The following LRRTM3 variants were observed in gnomAD, a reference collection of about 807,000 sequenced individuals.
LRRTM3 encodes leucine-rich repeat transmembrane neuronal protein 3.
In LRRTM3, 24 loss-of-function variants were observed where a neutral mutation model predicts 44.7. That is an observed-to-expected ratio of 0.54 (90% confidence interval 0.39 to 0.76). The LOEUF is 0.76. Among genes scored for constraint, LRRTM3 ranks in the 30% least tolerant of loss-of-function variants. The pLI is 0.00. For synonymous variants in LRRTM3, 277 were observed against 278.7 expected, an observed-to-expected ratio of 0.99 and a Z score of 0.06; for missense variants, 587 against 702.2, an observed-to-expected ratio of 0.84 and a Z score of 1.85.
intron 2 of LRRTM3, among the ~76,000 whole-genome samples, chr10:66,946,722 C>G (rs922252910): frequency 6.6e-6 from 1 of 152,082 alleles, no homozygotes; most frequent in Non-Finnish European, 1.5e-5. Context: ...AGTTGTAGAA[C>G]TACATATTTC....
intron 2 of LRRTM3, among the ~76,000 whole-genome samples, chr10:67,072,692 A>T (rs559094775): frequency 1.3e-5 from 2 of 152,222 alleles, no homozygotes; most frequent in Admixed American, 1.3e-4. Context: ...GTATATCTTT[A>T]TCTTCTGGGC....
chr10:67,027,875 AATG>A (rs1262854931), intron 2 of LRRTM3, among the ~76,000 whole-genome samples: 3 of 152,170 alleles, frequency 2.0e-5, no homozygotes, highest in Non-Finnish European at 4.4e-5. Flanking sequence ...TTTGCTTCTG[AATG>A]ATAAGCTCTT....
rs1858213169 is a variant in LRRTM3, at chr10:67,099,550, T to C, written c.*1754T>C. Reference sequence around the variant, plus strand: ...TCTATAAAATCTAGTTTTATGCAGGTTTGTCACAGCAAATGTAAAAGCGGA... The same window carrying C: ...TCTATAAAATCTAGTTTTATGCAGGCTTGTCACAGCAAATGTAAAAGCGGA... On this transcript the variant is annotated 3_prime_UTR_variant, in exon 3 of 3. Coordinates refer to ENST00000361320, the MANE Select transcript of LRRTM3 (RefSeq NM_178011.5). 6.6e-6 allele frequency: 1 copy of C among 152,194 alleles called. No homozygotes were observed. Among genetic ancestry groups the C allele is most frequent in the African/African-American group, 2.4e-5 (1 of 41,392 alleles). 9.4% of individuals were successfully genotyped at this position (152,194 alleles called of 1,614,324 possible). A position where few individuals can be genotyped will look rare whatever the true frequency, so the allele number is the denominator to read the frequency against.
intron 2 of LRRTM3, among the ~76,000 whole-genome samples, chr10:67,077,352 T>C (rs1856794542): frequency 6.6e-6 from 1 of 152,084 alleles, no homozygotes; most frequent in Non-Finnish European, 1.5e-5. Context: ...TCCTTCAAAA[T>C]CCCTAAAAAT....
At chr10:67,086,287 T>A (rs1265908691) in intron 2 of LRRTM3, among the ~76,000 whole-genome samples, 1 of 152,016 alleles carries the variant, frequency 6.6e-6, no homozygotes, top group Non-Finnish European at 1.5e-5. Context: ...CTAAAACAGG[T>A]GCAAGATTTT....
chr10:67,015,673 A>G (rs1322881395), intron 2 of LRRTM3, among the ~76,000 whole-genome samples: 1 of 152,088 alleles, frequency 6.6e-6, no homozygotes. Context: ...CAGAGTATGA[A>G]CTTCAATTTG....
intron 2 of LRRTM3, among the ~76,000 whole-genome samples, chr10:67,005,453 G>A (rs969741065): frequency 3.3e-5 from 5 of 151,844 alleles, no homozygotes; most frequent in African/African-American, 1.2e-4. Context: ...TTCTTCACCT[G>A]TTCATTGTGC....
intron 2 of LRRTM3, among the ~76,000 whole-genome samples, chr10:67,071,742 C>A (rs1856476859): frequency 6.6e-6 from 1 of 152,066 alleles, no homozygotes; most frequent in South Asian, 2.1e-4. Context: ...TTCATTTTTA[C>A]TTATGTTTAA....
Position 67,099,780 on chromosome 10 carries a change from A to C in LRRTM3, c.*1984A>C, listed in dbSNP as rs1330482488. 1.3e-5 allele frequency: 2 copies of C among 152,012 alleles called. No homozygotes were observed. Among genetic ancestry groups the C allele is most frequent in the African/African-American group, 2.4e-5 (1 of 41,380 alleles). 9.4% of individuals were successfully genotyped at this position (152,012 alleles called of 1,614,324 possible). A position where few individuals can be genotyped will look rare whatever the true frequency, so the allele number is the denominator to read the frequency against. On this transcript the variant is annotated 3_prime_UTR_variant, in exon 3 of 3. Coordinates refer to ENST00000361320, the MANE Select transcript of LRRTM3 (RefSeq NM_178011.5). ...TGCATAAATTATTTGCTCTTCAAAA[A>C]TTTTTGTCATTTTAAATCTAATTTT...
At chr10:66,952,206 T>G (rs1848571302) in intron 2 of LRRTM3, among the ~76,000 whole-genome samples, 1 of 152,176 alleles carries the variant, frequency 6.6e-6, no homozygotes, top group African/African-American at 2.4e-5. Context: ...CAAAAGTCTT[T>G]GCTAAGATCC....
At chr10:66,987,224 G>A (rs1188536462) in intron 2 of LRRTM3, among the ~76,000 whole-genome samples, 1 of 152,136 alleles carries the variant, frequency 6.6e-6, no homozygotes, top group Non-Finnish European at 1.5e-5. Flanking sequence ...CTTTTTCTCT[G>A]AATGAAACGG....
intron 2 of LRRTM3, among the ~76,000 whole-genome samples, chr10:66,941,973 C>T (rs772829088): frequency 1.3e-5 from 2 of 152,072 alleles, no homozygotes; most frequent in African/African-American, 2.4e-5. Flanking sequence ...GGAGGGAGAT[C>T]GTAGACTTCG....
Position 67,053,334 on chromosome 10 carries a change from C to G in LRRTM3, c.1537-44253C>G, listed in dbSNP as rs201067448. Among the ~76,000 whole-genome samples the G allele has an allele frequency of 7.9e-5, 12 of 152,152 alleles. No individual in the cohort carries two copies. The East Asian group carries it at 1.2e-3, about 15-fold the overall frequency. On this transcript the variant is annotated intron_variant, in intron 2 of 2. Transcript: ENST00000361320. ...AGGACATTACTGGAAAAATCTGATT[C>G]CATTGATCTGAGGTGAGATAGAAGA...
At chr10:67,082,307 T>C (rs1169455814) in intron 2 of LRRTM3, among the ~76,000 whole-genome samples, 2 of 152,186 alleles carry the variant, frequency 1.3e-5, no homozygotes, top group Admixed American at 6.5e-5. Context: ...TTCTCAATAA[T>C]GCATTGAAGT....
At chr10:66,986,655 A>C (rs1850745094) in intron 2 of LRRTM3, among the ~76,000 whole-genome samples, 3 of 152,172 alleles carry the variant, frequency 2.0e-5, no homozygotes, top group African/African-American at 7.2e-5. Context: ...AGAATGAATC[A>C]ACTATAGTCA....
chr10:67,054,526 A>G (rs1328253718), intron 2 of LRRTM3: 3 of 152,184 alleles, frequency 2.0e-5, no homozygotes, highest in Non-Finnish European at 2.9e-5. Flanking sequence ...GACTTTTTAA[A>G]GTAAATGCTT....
Position 67,079,858 on chromosome 10 carries a change from AACACACACACACACACACACAC to A in LRRTM3, c.1537-17699_1537-17678del, listed in dbSNP as rs199928311. ...GCGAGACTCCATCTCAAAAAAACAA[AACACACACACACACACACACAC>A]ACACACACACACACACACACACACA... On this transcript the variant is annotated intron_variant, in intron 2 of 2. Transcript: ENST00000361320. 1.1e-3 allele frequency among the ~76,000 whole-genome samples: 151 copies of A among 141,362 alleles called. 1 individual carries two copies. Among genetic ancestry groups the A allele is most frequent in the African/African-American group, 2.6e-3 (99 of 37,750 alleles). 92.7% of individuals were successfully genotyped at this position (141,362 alleles called of 152,430 possible).
At chr10:67,085,784 A>G (rs946734375) in intron 2 of LRRTM3, among the ~76,000 whole-genome samples, 2 of 152,024 alleles carry the variant, frequency 1.3e-5, no homozygotes, top group Non-Finnish European at 2.9e-5. Flanking sequence ...TTTTACTAAT[A>G]CGCAAGCCTG....
Position 67,093,720 on chromosome 10 carries a change from A to C in LRRTM3, c.1537-3867A>C, listed in dbSNP as rs558631635. ...TCACAGTCGTTGCCCAAACCTCTGC[A>C]TCAGGTATTTACCCTGGTGTGAAAA... On this transcript the variant is annotated intron_variant, in intron 2 of 2. Coordinates refer to ENST00000361320, the MANE Select transcript of LRRTM3 (RefSeq NM_178011.5). Among the ~76,000 whole-genome samples the C allele has an allele frequency of 1.1e-4, 17 of 152,156 alleles. No homozygotes were observed. In the East Asian group the frequency reaches 3.3e-3, roughly 29 times the overall value.
Sources: allele counts gnomAD v4.1 joint callset (sites outside exome capture counted in the v4.1 genomes callset), GRCh38; gene constraint gnomAD v4.1.1; transcripts MANE v1.5; gene names NCBI Gene and HGNC (gene_info 2026-07-23, HGNC 2026-07-21).